ZMAT4: variants seen among roughly 807,000 people sequenced by gnomAD.
ZMAT4 encodes zinc finger matrin-type 4, also known as zinc finger matrin-type protein 4.
Under a neutral mutation model 28.7 loss-of-function variants are expected in ZMAT4, and 17 were observed. The ratio of observed to expected loss-of-function variants is 0.59; its 90% CI spans 0.41 to 0.89. ZMAT4 has a LOEUF of 0.89. Among genes scored for constraint, ZMAT4 ranks in the 40% least tolerant of loss-of-function variants. The pLI, the probability that ZMAT4 is intolerant of heterozygous loss-of-function variation, is 0.00. For synonymous variants in ZMAT4, 117 were observed against 109.2 expected (o/e 1.07, Z -0.44); for missense variants, 240 against 283.8 (o/e 0.85, Z 1.11).
chr8:40,875,347 C>T (rs552164200), intron 1 of ZMAT4, among the ~76,000 whole-genome samples: 2 of 152,054 alleles, frequency 1.3e-5, no homozygotes, highest in Admixed American at 6.5e-5. Flanking sequence ...GTGGTGACTG[C>T]AGGTTTAAGA....
intron 1 of ZMAT4, among the ~76,000 whole-genome samples, chr8:40,857,488 G>A (rs1225355795): frequency 1.3e-5 from 2 of 152,166 alleles, no homozygotes; most frequent in Non-Finnish European, 2.9e-5. Flanking sequence ...CTACACATTT[G>A]TTAGAATGAT....
chr8:40,734,901 T>C (rs1027113780), intron 3 of ZMAT4, among the ~76,000 whole-genome samples: 2 of 152,226 alleles, frequency 1.3e-5, no homozygotes, highest in Non-Finnish European at 2.9e-5. Context: ...GCCCTCTTGC[T>C]TGAAATAAAA....
At chr8:40,632,314 A>G (rs1806620386) in intron 5 of ZMAT4, among the ~76,000 whole-genome samples, 1 of 152,232 alleles carries the variant, frequency 6.6e-6, no homozygotes, top group South Asian at 2.1e-4. Context: ...AAATAGTTTT[A>G]TAGATTTTTT....
intron 2 of ZMAT4, among the ~76,000 whole-genome samples, chr8:40,784,432 G>A (rs186191866): frequency 6.6e-6 from 1 of 151,956 alleles, no homozygotes; most frequent in South Asian, 2.1e-4. Flanking sequence ...CTCCATACAG[G>A]TTATATGAAA....
intron 3 of ZMAT4, among the ~76,000 whole-genome samples, chr8:40,718,514 TTA>T (rs869253633): frequency 6.8e-6 from 1 of 146,440 alleles, no homozygotes; most frequent in East Asian, 2.0e-4. Flanking sequence ...TGATTTTTTT[TTA>T]AATTTCCAGT....
intron 2 of ZMAT4, among the ~76,000 whole-genome samples, chr8:40,792,175 G>A (rs1315497508): frequency 3.9e-5 from 6 of 152,006 alleles, no homozygotes; most frequent in Non-Finnish European, 1.5e-5. Context: ...TATATACTGT[G>A]AGCATATGCT....
At chr8:40,829,292 G>A (rs1252099020) in intron 1 of ZMAT4, among the ~76,000 whole-genome samples, 1 of 152,256 alleles carries the variant, frequency 6.6e-6, no homozygotes, top group Non-Finnish European at 1.5e-5. Context: ...ACATTGCCAA[G>A]CAACCACTGG....
Position 40,868,132 on chromosome 8 carries a change from A to C in ZMAT4, c.-5+29551T>G, listed in dbSNP as rs1180881143. Among the ~76,000 whole-genome samples, 3 of 152,340 alleles carry C rather than the reference A, an allele frequency of 2.0e-5. No individual in the cohort carries two copies. The East Asian group carries it at 5.8e-4, about 29-fold the overall frequency. On this transcript the variant is annotated intron_variant, in intron 1 of 6. Transcript: ENST00000297737. ...ACACATATCCATAATATATTTGTTG[A>C]GTGCAGAATGAACAAATGTTTTGCT...
At chr8:40,685,291 C>A (rs1362799095) in intron 4 of ZMAT4, among the ~76,000 whole-genome samples, 5 of 152,044 alleles carry the variant, frequency 3.3e-5, no homozygotes, top group Admixed American at 6.6e-5. Flanking sequence ...TACCCTAGTC[C>A]CTGAGGGCTT....
chr8:40,743,142 T>A (rs576728225), intron 3 of ZMAT4, among the ~76,000 whole-genome samples: 37 of 152,308 alleles, frequency 2.4e-4, no homozygotes, highest in Admixed American at 5.9e-4. Flanking sequence ...CATCATTTTG[T>A]AATCAGAAAA....
At chr8:40,853,065 G>A (rs891594066) in intron 1 of ZMAT4, among the ~76,000 whole-genome samples, 2 of 152,054 alleles carry the variant, frequency 1.3e-5, no homozygotes, top group African/African-American at 4.8e-5. Flanking sequence ...TTGTCTACCA[G>A]TCATTTTTTT....
intron 1 of ZMAT4, among the ~76,000 whole-genome samples, chr8:40,887,088 G>A (rs1339138657): frequency 4.0e-5 from 6 of 149,056 alleles, no homozygotes; most frequent in African/African-American, 9.9e-5. Context: ...GGAGAATGGC[G>A]TGAACCCAGG....
chr8:40,756,201 C>G (rs1433472598), intron 3 of ZMAT4, among the ~76,000 whole-genome samples: 1 of 151,876 alleles, frequency 6.6e-6, no homozygotes, highest in African/African-American at 2.4e-5. Context: ...TCTCAAACAT[C>G]AAGTTCTGTG....
chr8:40,891,032 G>A (rs183695817), intron 1 of ZMAT4, among the ~76,000 whole-genome samples: 449 of 151,348 alleles, frequency 3.0e-3, no homozygotes, highest in Non-Finnish European at 5.3e-3. Flanking sequence ...AATGTCTGCG[G>A]CATCAAAATC....
intron 3 of ZMAT4, among the ~76,000 whole-genome samples, chr8:40,705,307 A>C (rs1810304477): frequency 6.6e-6 from 1 of 152,194 alleles, no homozygotes; most frequent in Non-Finnish European, 1.5e-5. Context: ...AACCAAGAGA[A>C]GTGGCTAAGA....
At chr8:40,766,364 C>T (rs547256419) in intron 3 of ZMAT4, among the ~76,000 whole-genome samples, 2 of 152,284 alleles carry the variant, frequency 1.3e-5, no homozygotes, top group East Asian at 1.9e-4. Flanking sequence ...AGTCACAGTA[C>T]GCCTCCTATC....
intron 6 of ZMAT4, among the ~76,000 whole-genome samples, chr8:40,553,697 G>T (rs1337452995): frequency 6.6e-6 from 1 of 152,070 alleles, no homozygotes; most frequent in African/African-American, 2.4e-5. Context: ...ATCACCTAAG[G>T]TTGCATAGAT....
At chr8:40,875,387 C>T (rs1019678521) in intron 1 of ZMAT4, among the ~76,000 whole-genome samples, 7 of 152,062 alleles carry the variant, frequency 4.6e-5, no homozygotes, top group Admixed American at 1.3e-4. Flanking sequence ...AGACAACAGA[C>T]GAGCTGATAA....
chr8:40,643,077 C>T (rs1156383024), intron 5 of ZMAT4, among the ~76,000 whole-genome samples: 2 of 152,170 alleles, frequency 1.3e-5, no homozygotes, highest in Non-Finnish European at 2.9e-5. Flanking sequence ...CTATGAGGTG[C>T]AGGTGTAAAT....
Sources: allele counts gnomAD v4.1 joint callset (sites outside exome capture counted in the v4.1 genomes callset), GRCh38; gene constraint gnomAD v4.1.1; transcripts MANE v1.5; gene names NCBI Gene and HGNC (gene_info 2026-07-23, HGNC 2026-07-21).